IDNK: variants seen among roughly 807,000 people sequenced by gnomAD.
IDNK encodes the protein gluconokinase.
In IDNK, 9 loss-of-function variants were observed where a neutral mutation model predicts 13.0. The ratio of observed to expected loss-of-function variants is 0.69; its 90% CI spans 0.42 to 1.21. IDNK has a LOEUF of 1.21. Ranked by LOEUF, IDNK falls within the 50% of genes most tolerant of loss-of-function variation. IDNK has a pLI of 0.00. For missense variants in IDNK, 210 were observed against 237.8 expected, an observed-to-expected ratio of 0.88 and a Z score of 0.77; for synonymous variants, 92 against 94.9, an observed-to-expected ratio of 0.97 and a Z score of 0.18.
intron 3 of IDNK, among the ~76,000 whole-genome samples, chr9:83,637,908 G>A (rs1831207128): frequency 6.6e-6 from 1 of 152,054 alleles, no homozygotes; most frequent in South Asian, 2.1e-4. Context: ...AACTCAAAAG[G>A]AGCAAAAAAT....
chr9:83,641,856 A>T (rs563984809), intron 4 of IDNK, among the ~76,000 whole-genome samples: 2 of 152,230 alleles, frequency 1.3e-5, no homozygotes, highest in African/African-American at 4.8e-5. Context: ...CTTGGTTTCC[A>T]TAAGTCTGTT....
chr9:83,623,579 GGCGGGAGGGCGCACGGCCTCTA>G (rs1235675345), intron 1 of IDNK: 1 of 281,820 alleles, frequency 3.5e-6, no homozygotes, highest in East Asian at 1.1e-4. Flanking sequence ...GTCGGGGCCA[GGCGGGAGGGCGCACGGCCTCTA>G]GCGAGAGGAC....
At chr9:83,631,410 C>A (rs1831008169) in intron 3 of IDNK, among the ~76,000 whole-genome samples, 1 of 131,358 alleles carries the variant, frequency 7.6e-6, no homozygotes, top group African/African-American at 3.0e-5. Flanking sequence ...AGCTTGAGAC[C>A]TGCCTGGGCA....
intron 3 of IDNK, among the ~76,000 whole-genome samples, chr9:83,633,891 A>G (rs1298561819): frequency 6.6e-6 from 1 of 152,336 alleles, no homozygotes; most frequent in South Asian, 2.1e-4. Flanking sequence ...TGTTAAATTG[A>G]GAGAAAAGGG....
intron 3 of IDNK, among the ~76,000 whole-genome samples, chr9:83,635,439 G>A (rs1042727082): frequency 6.6e-6 from 1 of 152,220 alleles, no homozygotes; most frequent in East Asian, 1.9e-4. Context: ...ATGAGAATAC[G>A]ATGTTCAAAG....
chr9:83,634,075 T>C (rs951360028), intron 3 of IDNK, among the ~76,000 whole-genome samples: 8 of 152,244 alleles, frequency 5.3e-5, no homozygotes, highest in Admixed American at 1.3e-4. Context: ...CTTGAATTTC[T>C]ACACTGGCGC....
At chr9:83,636,763 T>C (rs1323648139) in intron 3 of IDNK, among the ~76,000 whole-genome samples, 2 of 152,212 alleles carry the variant, frequency 1.3e-5, no homozygotes, top group African/African-American at 4.8e-5. Flanking sequence ...CTTGAAAATT[T>C]ATACAGCAAG....
chr9:83,633,878 G>T (rs560207710), intron 3 of IDNK, among the ~76,000 whole-genome samples: 78 of 152,294 alleles, frequency 5.1e-4, no homozygotes, highest in African/African-American at 1.8e-3. Context: ...GTGAATCAAG[G>T]TTTGTTAAAT....
At chr9:83,641,914 T>C (rs186038885) in intron 4 of IDNK, among the ~76,000 whole-genome samples, 107 of 152,350 alleles carry the variant, frequency 7.0e-4, no homozygotes, top group African/African-American at 2.4e-3. Flanking sequence ...TCACAGATTT[T>C]TGTAAGGAAT....
intron 4 of IDNK, among the ~76,000 whole-genome samples, chr9:83,642,211 A>C (rs1831330956): frequency 6.6e-6 from 1 of 152,216 alleles, no homozygotes; most frequent in South Asian, 2.1e-4. Context: ...GACGTGGAGA[A>C]GGATAAGGAA....
At chr9:83,641,265 A>T (rs1831300161) in intron 3 of IDNK, among the ~76,000 whole-genome samples, 1 of 152,228 alleles carries the variant, frequency 6.6e-6, no homozygotes, top group South Asian at 2.1e-4. Flanking sequence ...AACGTATCAG[A>T]ACCAGGGAGG....
At chr9:83,623,046 G>A, upstream of IDNK, 1 of 616,860 alleles carries the variant, frequency 1.6e-6, no homozygotes, top group East Asian at 3.6e-5. Flanking sequence ...GGGAAAACGG[G>A]GAGGGCGCAG....
Position 83,641,164 on chromosome 9 carries a change from G to A in IDNK, c.169-384G>A, listed in dbSNP as rs544500931. ...GAGGGTTTGAAGAATAGGACCAGGG[G>A]ACAGCTGACGTAAGGGTTTATGTGA... On this transcript the variant is annotated intron_variant, in intron 3 of 4. Transcript: ENST00000376419. 2.0e-5 allele frequency among the ~76,000 whole-genome samples: 3 copies of A among 152,286 alleles called. No individual in the cohort carries two copies. The East Asian group carries it at 5.8e-4, about 29-fold the overall frequency.
intron 1 of IDNK, chr9:83,623,554 GTTTCGGGGCGCCT>G (rs1452515476): frequency 3.2e-6 from 1 of 311,562 alleles, no homozygotes; most frequent in Non-Finnish European, 6.0e-6. Context: ...GCGGGGCTAG[GTTTCGGGGCGCCT>G]TGTCGGGGCC....
At chr9:83,630,760 T>TA (rs1830987454) in intron 3 of IDNK, among the ~76,000 whole-genome samples, 1 of 152,174 alleles carries the variant, frequency 6.6e-6, no homozygotes, top group African/African-American at 2.4e-5. Flanking sequence ...CCAAAATTGA[T>TA]AGATTTTAAA....
At chr9:83,638,438 T>A (rs1252801986) in intron 3 of IDNK, among the ~76,000 whole-genome samples, 1 of 152,080 alleles carries the variant, frequency 6.6e-6, no homozygotes, top group African/African-American at 2.4e-5. Context: ...GAAAAATGAA[T>A]AGATGTGTAT....
At chr9:83,629,301 T>C (rs1337761344) in intron 3 of IDNK, among the ~76,000 whole-genome samples, 2 of 152,304 alleles carry the variant, frequency 1.3e-5, no homozygotes, top group East Asian at 3.9e-4. Flanking sequence ...CCAGGTGCTG[T>C]CAGCCTACCA....
At chr9:83,628,835 C>A in intron 2 of IDNK, 38 bp from the exon 3 acceptor site, 2 of 1,441,018 alleles carry the variant, frequency 1.4e-6, no homozygotes, top group Non-Finnish European at 2.0e-6. Flanking sequence ...ATTGGCCCAT[C>A]TGCCTGCCAC....
At chr9:83,642,087 C>A (rs904606472) in intron 4 of IDNK, among the ~76,000 whole-genome samples, 2 of 152,106 alleles carry the variant, frequency 1.3e-5, no homozygotes, top group African/African-American at 2.4e-5. Context: ...TGTGAGTGAA[C>A]AGGTAATTAG....
Sources: allele counts gnomAD v4.1 joint callset (sites outside exome capture counted in the v4.1 genomes callset), GRCh38; gene constraint gnomAD v4.1.1; transcripts MANE v1.5; gene names NCBI Gene and HGNC (gene_info 2026-07-23, HGNC 2026-07-21).